CENPW: variants seen among roughly 807,000 people sequenced by gnomAD.
The protein encoded by CENPW is centromere protein W.
CENPW carries 3 observed loss-of-function variants against 11.1 expected under a neutral mutation model. The ratio of observed to expected loss-of-function variants is 0.27; its 90% CI spans 0.12 to 0.70. CENPW has a LOEUF of 0.70. Ranked by LOEUF, CENPW falls within the 30% of genes least tolerant of loss-of-function variation. The probability of loss-of-function intolerance (pLI) is 0.77; values close to 1 mark genes in which losing one functional copy is unlikely to be tolerated. For synonymous variants in CENPW, 38 were observed against 42.0 expected (o/e 0.91, Z 0.37); for missense variants, 100 against 105.6 (o/e 0.95, Z 0.23).
chr6:126,470,195 G>C, the CENPW span, among the ~76,000 whole-genome samples: 23 of 152,350 alleles, frequency 1.5e-4, no homozygotes, highest in Middle Eastern at 6.8e-3. Flanking sequence ...GTAGTTTCAT[G>C]GACAGGGCCC....
chr6:126,406,996 G>A, the CENPW span, among the ~76,000 whole-genome samples: 2 of 152,082 alleles, frequency 1.3e-5, no homozygotes, highest in Admixed American at 6.6e-5. Context: ...ATAGGTAAAT[G>A]TTTGCCATTG....
At chr6:126,421,015 A>T in the CENPW span, among the ~76,000 whole-genome samples, 1 of 152,136 alleles carries the variant, frequency 6.6e-6, no homozygotes, top group Non-Finnish European at 1.5e-5. Flanking sequence ...TTGTTTAATA[A>T]ACATTTGATA....
chr6:126,362,167 C>T, the CENPW span, among the ~76,000 whole-genome samples: 1 of 152,122 alleles, frequency 6.6e-6, no homozygotes, highest in African/African-American at 2.4e-5. Flanking sequence ...CCTTTCCTGG[C>T]TTGGTAGTCA....
the CENPW span, among the ~76,000 whole-genome samples, chr6:126,461,719 C>T: frequency 1.3e-5 from 2 of 152,030 alleles, no homozygotes; most frequent in African/African-American, 4.8e-5. Flanking sequence ...TGTAAGGCTT[C>T]TTCCCAAACA....
At chr6:126,420,724 A>G in the CENPW span, among the ~76,000 whole-genome samples, 2 of 152,146 alleles carry the variant, frequency 1.3e-5, no homozygotes, top group Admixed American at 6.6e-5. Context: ...AATGGGGAGT[A>G]CGGTAATCTC....
chr6:126,351,427 G>T (rs759896441), downstream of CENPW, among the ~76,000 whole-genome samples: 4 of 152,046 alleles, frequency 2.6e-5, no homozygotes, highest in African/African-American at 4.8e-5. Context: ...TAGTAATAGT[G>T]ATATGATAAA....
the CENPW span, among the ~76,000 whole-genome samples, chr6:126,385,657 A>G: frequency 6.6e-6 from 1 of 152,088 alleles, no homozygotes; most frequent in Non-Finnish European, 1.5e-5. Context: ...CATGGGAGCC[A>G]TTTTGCCCAT....
the CENPW span, among the ~76,000 whole-genome samples, chr6:126,407,559 A>G: frequency 1.3e-5 from 2 of 152,202 alleles, no homozygotes; most frequent in African/African-American, 4.8e-5. Flanking sequence ...CCAATAGTGT[A>G]AAAGCATTAT....
chr6:126,451,266 A>T, the CENPW span, among the ~76,000 whole-genome samples: 1 of 150,954 alleles, frequency 6.6e-6, no homozygotes, highest in Non-Finnish European at 1.5e-5. Flanking sequence ...ACTTTGACAG[A>T]ATGCATGGAA....
chr6:126,447,508 T>C, the CENPW span, among the ~76,000 whole-genome samples: 1 of 151,238 alleles, frequency 6.6e-6, no homozygotes, highest in East Asian at 1.9e-4. Flanking sequence ...CTTACACTAC[T>C]TTCACATGAA....
At chr6:126,350,143 T>C (rs1780474110), downstream of CENPW, among the ~76,000 whole-genome samples, 1 of 152,204 alleles carries the variant, frequency 6.6e-6, no homozygotes, top group African/African-American at 2.4e-5. Context: ...TTCTCACAAA[T>C]ATTTGGTAAT....
chr6:126,453,316 G>A, the CENPW span, among the ~76,000 whole-genome samples: 1 of 150,996 alleles, frequency 6.6e-6, no homozygotes, highest in East Asian at 1.9e-4. Context: ...AGAGAGAAGG[G>A]GCAGGTAACC....
the CENPW span, among the ~76,000 whole-genome samples, chr6:126,419,261 G>T: frequency 1.3e-5 from 2 of 152,090 alleles, no homozygotes; most frequent in Non-Finnish European, 2.9e-5. Context: ...CCAACACTGA[G>T]ATTAGAATGA....
chr6:126,375,377 A>G, the CENPW span, among the ~76,000 whole-genome samples: 1 of 152,224 alleles, frequency 6.6e-6, no homozygotes, highest in South Asian at 2.1e-4. Flanking sequence ...TGACAGGATT[A>G]TAATTTACTT....
the CENPW span, among the ~76,000 whole-genome samples, chr6:126,416,709 A>G: frequency 3.3e-5 from 5 of 152,164 alleles, no homozygotes; most frequent in African/African-American, 1.2e-4. Context: ...GGCAGATTCC[A>G]TGTGGTGTTG....
chr6:126,407,005 T>C, the CENPW span, among the ~76,000 whole-genome samples: 1 of 152,134 alleles, frequency 6.6e-6, no homozygotes, highest in African/African-American at 2.4e-5. Context: ...TGTTTGCCAT[T>C]GTGGCTTGCT....
At chr6:126,357,864 C>T in the CENPW span, among the ~76,000 whole-genome samples, 1 of 152,174 alleles carries the variant, frequency 6.6e-6, no homozygotes. Context: ...GCCGCAGCCT[C>T]CCAAAGTGCT....
At chr6:126,385,811 G>T in the CENPW span, among the ~76,000 whole-genome samples, 1 of 152,068 alleles carries the variant, frequency 6.6e-6, no homozygotes, top group South Asian at 2.1e-4. Flanking sequence ...GTAAGACTGA[G>T]GTTTCCCCAG....
At chr6:126,461,805 T>G in the CENPW span, among the ~76,000 whole-genome samples, 1 of 151,966 alleles carries the variant, frequency 6.6e-6, no homozygotes, top group Admixed American at 6.6e-5. Flanking sequence ...GTTTTCAATA[T>G]GTGACATTAA....
Sources: allele counts gnomAD v4.1 joint callset (sites outside exome capture counted in the v4.1 genomes callset), GRCh38; gene constraint gnomAD v4.1.1; transcripts MANE v1.5; gene names NCBI Gene and HGNC (gene_info 2026-07-23, HGNC 2026-07-21).